The following CNOT10 variants were observed in gnomAD, a reference collection of about 807,000 sequenced individuals.
The protein encoded by CNOT10 is CCR4-NOT transcription complex, subunit 10.
Under a neutral mutation model 94.6 loss-of-function variants are expected in CNOT10, and 30 were observed. The observed-to-expected ratio is 0.32, with a 90% CI of 0.24 to 0.43. The LOEUF is 0.43. Among genes scored for constraint, CNOT10 ranks in the 20% least tolerant of loss-of-function variants. The probability of loss-of-function intolerance (pLI) is 1.00; values close to 1 mark genes in which losing one functional copy is unlikely to be tolerated. For missense variants in CNOT10, 759 were observed against 877.2 expected (o/e 0.87, Z 1.70); for synonymous variants, 289 against 301.6 (o/e 0.96, Z 0.43).
At chr3:32,691,946 A>T (rs2125491417) in intron 1 of CNOT10, among the ~76,000 whole-genome samples, 1 of 147,336 alleles carries the variant, frequency 6.8e-6, no homozygotes, top group African/African-American at 2.5e-5. Flanking sequence ...CCTACAAGGG[A>T]GGGTGAGGTG....
chr3:32,721,790 G>GCGT (rs948119687), intron 8 of CNOT10, among the ~76,000 whole-genome samples: 3 of 151,604 alleles, frequency 2.0e-5, no homozygotes, highest in Non-Finnish European at 4.4e-5. Flanking sequence ...GAGACTACAG[G>GCGT]CGTCTGCCAC....
chr3:32,716,928 CGTGAG>C (rs1334640537), intron 6 of CNOT10, among the ~76,000 whole-genome samples: 4 of 152,106 alleles, frequency 2.6e-5, no homozygotes, highest in Non-Finnish European at 5.9e-5. Context: ...GGATTACAGG[CGTGAG>C]CCACCACATC....
At chr3:32,686,137 C>G (rs1696590812) in intron 1 of CNOT10, among the ~76,000 whole-genome samples, 1 of 152,124 alleles carries the variant, frequency 6.6e-6, no homozygotes, top group South Asian at 2.1e-4. Context: ...TCTAGTTCCT[C>G]GAAATTACTT....
intron 10 of CNOT10, among the ~76,000 whole-genome samples, chr3:32,728,668 T>C (rs1311856217): frequency 6.6e-6 from 1 of 152,094 alleles, no homozygotes; most frequent in Non-Finnish European, 1.5e-5. Context: ...TCATTCTTGG[T>C]AAGTAAGTAT....
chr3:32,706,746 T>G (rs1423312285), intron 3 of CNOT10, among the ~76,000 whole-genome samples: 1 of 152,242 alleles, frequency 6.6e-6, no homozygotes, highest in African/African-American at 2.4e-5. Flanking sequence ...TCTCTCTCCA[T>G]TACATAACTA....
intron 6 of CNOT10, 57 bp from the exon 7 acceptor site, chr3:32,717,097 T>TA (rs1241149692): frequency 3.0e-6 from 3 of 1,010,304 alleles, no homozygotes; most frequent in African/African-American, 3.3e-5. Flanking sequence ...AACTAGAAAG[T>TA]AAAACTGTAT....
At chr3:32,696,311 G>A (rs535208608) in intron 1 of CNOT10, among the ~76,000 whole-genome samples, 30 of 149,314 alleles carry the variant, frequency 2.0e-4, no homozygotes, top group Admixed American at 1.9e-3. Flanking sequence ...GTGAGACTCC[G>A]TCTCAAAAAA....
intron 1 of CNOT10, among the ~76,000 whole-genome samples, chr3:32,700,549 A>G (rs544127502): frequency 6.6e-6 from 1 of 152,194 alleles, no homozygotes; most frequent in Admixed American, 6.5e-5. Flanking sequence ...TCAGGGGTTT[A>G]CTCTGCCAGG....
chr3:32,704,056 CTG>C (rs1697499023), intron 2 of CNOT10, 94 bp downstream of exon 2: 6 of 699,760 alleles, frequency 8.6e-6, no homozygotes, highest in Non-Finnish European at 1.4e-5. Flanking sequence ...AATTTTTACT[CTG>C]TAATAATTCA....
intron 9 of CNOT10, among the ~76,000 whole-genome samples, chr3:32,726,540 A>C (rs1251053496): frequency 1.3e-5 from 2 of 151,538 alleles, no homozygotes; most frequent in African/African-American, 4.8e-5. Context: ...TAAAAATACA[A>C]AAAAAATTAG....
intron 11 of CNOT10, among the ~76,000 whole-genome samples, chr3:32,734,131 A>C (rs932203976): frequency 6.6e-6 from 1 of 152,234 alleles, no homozygotes; most frequent in Admixed American, 6.5e-5. Context: ...CACAGTTTAA[A>C]AAATATCTGA....
chr3:32,695,954 A>G (rs1386367727), intron 1 of CNOT10: 1 of 714,380 alleles, frequency 1.4e-6, no homozygotes. Flanking sequence ...AATAAAAATA[A>G]TCCTGTTGAA....
At chr3:32,685,914 T>C (rs984731804) in intron 1 of CNOT10, among the ~76,000 whole-genome samples, 1 of 152,090 alleles carries the variant, frequency 6.6e-6, no homozygotes, top group African/African-American at 2.4e-5. Flanking sequence ...CATTGACTCC[T>C]GTGAAATTAA....
chr3:32,704,993 A>C, intron 3 of CNOT10, 21 bp downstream of exon 3: 2 of 1,432,686 alleles, frequency 1.4e-6, no homozygotes, highest in Non-Finnish European at 1.9e-6. Flanking sequence ...AATGAATTTA[A>C]CTATAAAAAA....
chr3:32,750,757 G>A (rs189147634), intron 13 of CNOT10, among the ~76,000 whole-genome samples: 301 of 151,988 alleles, frequency 2.0e-3, no homozygotes, highest in African/African-American at 6.7e-3. Context: ...TCACCATGTT[G>A]GTCAGGCTGG....
intron 7 of CNOT10, 82 bp from the exon 8 acceptor site, chr3:32,720,032 A>G (rs1698300578): frequency 5.2e-6 from 3 of 577,878 alleles, no homozygotes; most frequent in Non-Finnish European, 5.9e-6. Context: ...GGTTTTGAAC[A>G]CGTCAGTACA....
At chr3:32,709,069 T>C (rs1697753733) in intron 4 of CNOT10, among the ~76,000 whole-genome samples, 1 of 152,212 alleles carries the variant, frequency 6.6e-6, no homozygotes, top group African/African-American at 2.4e-5. Flanking sequence ...TAGTGATGTT[T>C]GTGGGGTTTT....
In CNOT10 at chr3:32,710,661, T is replaced by C. The variant is rs573893806; in HGVS notation, c.430+1841T>C. ...CCTATAACCACTGATCTTTTTACTG[T>C]CTCTACAGTTTTGCCTTTTCTACAG... On this transcript the variant is annotated intron_variant, in intron 4 of 18. Coordinates refer to ENST00000328834, the MANE Select transcript of CNOT10 (RefSeq NM_015442.3). Among the ~76,000 whole-genome samples the C allele has an allele frequency of 3.3e-5, 5 of 152,250 alleles. No individual in the cohort carries two copies. The East Asian group carries it at 9.6e-4, about 29-fold the overall frequency.
intron 1 of CNOT10, among the ~76,000 whole-genome samples, chr3:32,701,322 G>T (rs562848421): frequency 1.1e-4 from 17 of 152,248 alleles, no homozygotes; most frequent in African/African-American, 4.1e-4. Context: ...TAAACTGCAT[G>T]TAATATTGAG....
Sources: gnomAD v4.1 joint callset for allele counts (sites outside exome capture counted in the v4.1 genomes callset) on GRCh38, gnomAD v4.1.1 for gene constraint, MANE v1.5 for transcripts, NCBI Gene and HGNC (gene_info 2026-07-23, HGNC 2026-07-21) for gene names.